Variants in WDPCP observed in about 807,000 individuals in gnomAD.
The protein encoded by WDPCP is WD repeat-containing and planar cell polarity effector protein fritz homolog.
WDPCP carries 71 observed loss-of-function variants against 93.1 expected under a neutral mutation model. The observed-to-expected ratio is 0.76, with a 90% CI of 0.63 to 0.93. The LOEUF is 0.93. WDPCP is among the 40% of genes least tolerant of loss of function. WDPCP has a pLI of 0.00. For synonymous variants in WDPCP, 315 were observed against 315.0 expected (o/e 1.00, Z 0.00); for missense variants, 844 against 887.4 (o/e 0.95, Z 0.62).
chr2:63,522,576 T>C (rs1703026649), intron 1 of WDPCP, among the ~76,000 whole-genome samples: 1 of 149,948 alleles, frequency 6.7e-6, no homozygotes, highest in Non-Finnish European at 1.5e-5. Context: ...GCTAGACTAA[T>C]AAAGAAAAAG....
chr2:63,687,239 A>G (rs1258326883), intron 2 of WDPCP, among the ~76,000 whole-genome samples: 2 of 152,232 alleles, frequency 1.3e-5, no homozygotes, highest in African/African-American at 4.8e-5. Context: ...AAAAGAAAAC[A>G]TTGAGGAAAC....
chr2:63,668,362 G>A (rs1171687247), intron 2 of WDPCP, among the ~76,000 whole-genome samples: 1 of 152,094 alleles, frequency 6.6e-6, no homozygotes, highest in Admixed American at 6.5e-5. Context: ...TAAACCAATT[G>A]TTTTACAATA....
chr2:63,715,487 A>C (rs1669324830), intron 2 of WDPCP, among the ~76,000 whole-genome samples: 1 of 152,214 alleles, frequency 6.6e-6, no homozygotes, highest in Non-Finnish European at 1.5e-5. Flanking sequence ...CAGCTTCATA[A>C]AGAGAAGCCT....
At chr2:63,309,499 A>T (rs1163721995) in intron 13 of WDPCP, among the ~76,000 whole-genome samples, 2 of 152,088 alleles carry the variant, frequency 1.3e-5, no homozygotes, top group East Asian at 1.9e-4. Context: ...CTTAAAATAA[A>T]CCAAACAGAA....
At chr2:63,181,451 T>A (rs1408485731) in intron 14 of WDPCP, among the ~76,000 whole-genome samples, 1 of 152,132 alleles carries the variant, frequency 6.6e-6, no homozygotes, top group Non-Finnish European at 1.5e-5. Flanking sequence ...GTAAAGGATG[T>A]CCTTTCCTCA....
rs1709653445 is a variant in WDPCP, at chr2:63,614,588, T to A, written n.488+36071A>T. Among the ~76,000 whole-genome samples, 4 of 152,162 alleles carry A rather than the reference T, an allele frequency of 2.6e-5. No homozygotes were observed. The South Asian group carries it at 8.3e-4, about 32-fold the overall frequency. The stretch of plus-strand genomic sequence containing the variant: ...TCTCTGACCTTCTCTTATCCTCTTG[T>A]CTCCCATCCTTTTTCCTCCCCAAAG... On this transcript the variant is annotated intron_variant and non_coding_transcript_variant, in intron 3 of 4. Transcript: ENST00000467687.
In WDPCP at chr2:63,744,368, A is replaced by G. The variant is rs142620782; in HGVS notation, n.308+69254T>C. On this transcript the variant is annotated intron_variant and non_coding_transcript_variant, in intron 2 of 4. Coordinates refer to the WDPCP transcript ENST00000467687. The stretch of plus-strand genomic sequence containing the variant: ...CACATCATTCCTCGTTTTTGTCTTC[A>G]GTAAATGAGACAAGATTCTGAGAAG... Among the ~76,000 whole-genome samples, 623 of 152,218 alleles carry G rather than the reference A, an allele frequency of 4.1e-3. 3 individuals carry two copies. Among genetic ancestry groups the G allele is most frequent in the African/African-American group, 0.014 (583 of 41,556 alleles).
At chr2:63,199,939 T>G (rs1003282447) in intron 14 of WDPCP, among the ~76,000 whole-genome samples, 11 of 152,222 alleles carry the variant, frequency 7.2e-5, no homozygotes, top group Non-Finnish European at 1.3e-4. Flanking sequence ...GGGGCAGAGC[T>G]GTCCAAGGCC....
intron 17 of WDPCP, among the ~76,000 whole-genome samples, chr2:63,129,475 G>T (rs1670149517): frequency 6.6e-6 from 1 of 152,020 alleles, no homozygotes; most frequent in South Asian, 2.1e-4. Flanking sequence ...CCATCTTATT[G>T]CTTCTCAGCC....
chr2:63,436,146 G>A (rs995767301), intron 8 of WDPCP, among the ~76,000 whole-genome samples: 27 of 152,102 alleles, frequency 1.8e-4, no homozygotes, highest in East Asian at 3.9e-4. Flanking sequence ...TTTAAAGACC[G>A]ATCAATTTTA....
intron 2 of WDPCP, among the ~76,000 whole-genome samples, chr2:63,663,341 C>T (rs1710248939): frequency 6.6e-6 from 1 of 152,194 alleles, no homozygotes; most frequent in Non-Finnish European, 1.5e-5. Flanking sequence ...CTGGTTCACA[C>T]TTGAAGCACA....
intron 2 of WDPCP, among the ~76,000 whole-genome samples, chr2:63,746,078 A>C (rs1353666788): frequency 1.3e-5 from 2 of 152,162 alleles, no homozygotes; most frequent in Non-Finnish European, 2.9e-5. Context: ...AGGGACCCCA[A>C]ACAGAGGGAC....
chr2:63,314,181 CTTCT>C (rs879686053), intron 12 of WDPCP, among the ~76,000 whole-genome samples: 2 of 51,850 alleles, frequency 3.9e-5, no homozygotes, highest in African/African-American at 4.0e-4. Flanking sequence ...CTGGCCCCAT[CTTCT>C]TTTTTTTTTA....
chr2:63,780,665 C>T lies in WDPCP; in HGVS notation n.308+32957G>A, dbSNP rs143042873. 3.4e-4 allele frequency among the ~76,000 whole-genome samples: 52 copies of T among 152,278 alleles called. No individual in the cohort carries two copies. The East Asian group carries it at 6.2e-3, about 18-fold the overall frequency. ...ATCACAGTGTTTTAATCAGCCCACA[C>T]GGTCTGATTCAAGACACCTGCTGCT... On this transcript the variant is annotated intron_variant and non_coding_transcript_variant, in intron 2 of 4. Transcript: ENST00000467687.
At position 63,138,477 on chromosome 2, in the gene WDPCP, G is replaced by A. The variant is rs571254868; in HGVS notation, c.2190+14437C>T. On this transcript the variant is annotated intron_variant, in intron 17 of 17. Coordinates refer to ENST00000272321, the MANE Select transcript of WDPCP (RefSeq NM_015910.7). ...TTCTTTTTTTTTTTTTTTTTGAGAC[G>A]GAGTCTCGCTGTTGCCCAGGCTGGA... is the stretch of plus-strand genomic sequence containing the variant. 1.0e-3 allele frequency among the ~76,000 whole-genome samples: 145 copies of A among 143,570 alleles called. 3 individuals carry two copies. The highest frequency in any genetic ancestry group is 3.3e-3 in the African/African-American group (130 of 38,836). The allele number at this position is 143,570 out of a possible 152,430, so 94.2% of individuals were successfully genotyped here. A position where few individuals can be genotyped will look rare whatever the true frequency, so the allele number is the denominator to read the frequency against.
At chr2:63,180,807 A>G (rs1202592518) in intron 14 of WDPCP, among the ~76,000 whole-genome samples, 2 of 152,158 alleles carry the variant, frequency 1.3e-5, no homozygotes, top group African/African-American at 4.8e-5. Flanking sequence ...AACAGTGTGT[A>G]AGTGTTCCAT....
chr2:63,705,475 C>A (rs1669134291), intron 2 of WDPCP, among the ~76,000 whole-genome samples: 1 of 152,090 alleles, frequency 6.6e-6, no homozygotes, highest in Non-Finnish European at 1.5e-5. Context: ...TTGAATGTGT[C>A]CCAGAGATTC....
At chr2:63,498,995 C>T (rs961558765) in intron 1 of WDPCP, among the ~76,000 whole-genome samples, 1 of 152,240 alleles carries the variant, frequency 6.6e-6, no homozygotes, top group East Asian at 1.9e-4. Context: ...CTCACAGGGC[C>T]TTATGAGATC....
intron 12 of WDPCP, among the ~76,000 whole-genome samples, chr2:63,319,133 T>C (rs1021604811): frequency 2.6e-5 from 4 of 152,108 alleles, no homozygotes; most frequent in Non-Finnish European, 4.4e-5. Flanking sequence ...CTCCAATTTG[T>C]CGATTTTTGT....
Sources: allele counts gnomAD v4.1 joint callset (sites outside exome capture counted in the v4.1 genomes callset), GRCh38; gene constraint gnomAD v4.1.1; transcripts MANE v1.5; gene names NCBI Gene and HGNC (gene_info 2026-07-23, HGNC 2026-07-21).